The following PDZRN3 variants were observed in gnomAD, a reference collection of about 807,000 sequenced individuals.
PDZRN3 encodes the protein PDZ domain containing ring finger 3.
PDZRN3 carries 38 observed loss-of-function variants against 85.7 expected under a neutral mutation model. The ratio of observed to expected loss-of-function variants is 0.44; its 90% CI spans 0.34 to 0.58. The LOEUF (loss-of-function observed/expected upper bound fraction) is 0.58, where lower values mean the gene tolerates loss of function less well. Ranked by LOEUF, PDZRN3 falls within the 20% of genes least tolerant of loss-of-function variation. The pLI, the probability that PDZRN3 is intolerant of heterozygous loss-of-function variation, is 0.01. For missense variants in PDZRN3, 1,629 were observed against 1,506.4 expected, an observed-to-expected ratio of 1.08 and a Z score of -1.35; for synonymous variants, 759 against 638.0, an observed-to-expected ratio of 1.19 and a Z score of -2.86.
Position 73,389,891 on chromosome 3 carries a change from T to A in PDZRN3, c.1354-13A>T, listed in dbSNP as rs374969367. The A allele has an allele frequency of 7.5e-6, 12 of 1,608,746 alleles. No individual in the cohort carries two copies. Among genetic ancestry groups the A allele is most frequent in the African/African-American group, 4.0e-5 (3 of 74,808 alleles). ...TGTTAGGGTCAATCTGAAACACACA[T>A]GGACCATCTCAGCGCAAACGCAGAC... is the stretch of plus-strand genomic sequence containing the variant. On this transcript the variant is annotated splice_polypyrimidine_tract_variant and intron_variant, in intron 6 of 9. Transcript: ENST00000263666.
intron 3 of PDZRN3, among the ~76,000 whole-genome samples, chr3:73,496,607 C>A (rs778979634): frequency 1.5e-4 from 23 of 151,420 alleles, no homozygotes; most frequent in Non-Finnish European, 2.5e-4. Context: ...ATGCTAATAT[C>A]ACATAACACA....
chr3:73,483,032 G>A (rs749712066), intron 3 of PDZRN3, among the ~76,000 whole-genome samples: 20 of 152,138 alleles, frequency 1.3e-4, no homozygotes, highest in Non-Finnish European at 2.8e-4. Context: ...GAACAAACAC[G>A]CATGCCTTGC....
intron 3 of PDZRN3, among the ~76,000 whole-genome samples, chr3:73,407,463 G>C (rs944043816): frequency 6.6e-6 from 1 of 152,078 alleles, no homozygotes; most frequent in Non-Finnish European, 1.5e-5. Flanking sequence ...TTATACTTTA[G>C]GTCATTTGAC....
At chr3:73,412,117 A>G (rs138014165) in intron 3 of PDZRN3, among the ~76,000 whole-genome samples, 106 of 152,292 alleles carry the variant, frequency 7.0e-4, no homozygotes, top group Middle Eastern at 6.8e-3. Context: ...TTACACGTCA[A>G]TGTTATTGCA....
chr3:73,588,261 T>A (rs1702306088), intron 3 of PDZRN3, among the ~76,000 whole-genome samples: 1 of 152,222 alleles, frequency 6.6e-6, no homozygotes, highest in African/African-American at 2.4e-5. Flanking sequence ...AAGGACATGA[T>A]CTCATTCCTT....
chr3:73,589,254 A>G (rs1702320549), intron 3 of PDZRN3, among the ~76,000 whole-genome samples: 1 of 152,170 alleles, frequency 6.6e-6, no homozygotes, highest in Non-Finnish European at 1.5e-5. Context: ...GAATGAAAGG[A>G]AGAACATTGA....
chr3:73,578,585 G>A (rs148566474), intron 3 of PDZRN3, among the ~76,000 whole-genome samples: 3 of 152,326 alleles, frequency 2.0e-5, no homozygotes, highest in African/African-American at 7.2e-5. Flanking sequence ...GGGAGAATGA[G>A]TGACAAAAAG....
chr3:73,415,642 T>C (rs1159541728), intron 3 of PDZRN3, among the ~76,000 whole-genome samples: 1 of 152,208 alleles, frequency 6.6e-6, no homozygotes, highest in Non-Finnish European at 1.5e-5. Context: ...TTACATGAGA[T>C]ATTCAAAATT....
At chr3:73,458,995 C>CAAAAAAAAAA (rs35284667) in intron 3 of PDZRN3, among the ~76,000 whole-genome samples, 3 of 124,020 alleles carry the variant, frequency 2.4e-5, no homozygotes, top group Admixed American at 8.0e-5. Context: ...CCATCTCAAA[C>CAAAAAAAAAA]AAAAAAAAAA....
In PDZRN3 at chr3:73,404,199, T is replaced by TTA; in HGVS notation, c.1113_1114dup (p.Lys372IlefsTer55). On this transcript the variant is annotated frameshift_variant, in exon 4 of 10. Coordinates refer to ENST00000263666, the MANE Select transcript of PDZRN3 (RefSeq NM_015009.3). LOFTEE classifies it high-confidence loss of function. ...CACGGGTGGGCTGGGAGAGGACATC[T>TTA]TAGTGAGGGCCATGATATGTTCAAA... The TTA allele has an allele frequency of 6.2e-7, 1 of 1,614,038 alleles. No homozygotes were observed. The highest frequency in any genetic ancestry group is 2.2e-5 in the East Asian group (1 of 44,876).
At chr3:73,571,964 G>A (rs1172282073) in intron 3 of PDZRN3, among the ~76,000 whole-genome samples, 3 of 152,184 alleles carry the variant, frequency 2.0e-5, no homozygotes, top group African/African-American at 7.2e-5. Context: ...AGGCAATTTT[G>A]TACTTAACTT....
chr3:73,551,123 G>A (rs1321443214), intron 3 of PDZRN3, among the ~76,000 whole-genome samples: 1 of 152,012 alleles, frequency 6.6e-6, no homozygotes, highest in Non-Finnish European at 1.5e-5. Flanking sequence ...GTATGTGCAG[G>A]GCCAAAGGTG....
At chr3:73,559,929 C>G (rs1027855949) in intron 3 of PDZRN3, among the ~76,000 whole-genome samples, 7 of 152,206 alleles carry the variant, frequency 4.6e-5, no homozygotes, top group African/African-American at 1.7e-4. Flanking sequence ...CATGTGAGCA[C>G]CCAGTTCATT....
intron 3 of PDZRN3, among the ~76,000 whole-genome samples, chr3:73,462,815 T>G (rs1013670281): frequency 6.6e-5 from 10 of 152,166 alleles, no homozygotes; most frequent in Non-Finnish European, 2.9e-5. Flanking sequence ...ATTAGCACAT[T>G]TAACATTTGC....
chr3:73,500,041 A>G, intron 3 of PDZRN3, among the ~76,000 whole-genome samples: 1 of 152,180 alleles, frequency 6.6e-6, no homozygotes, highest in East Asian at 1.9e-4. Flanking sequence ...TGGGGGTTAC[A>G]AAGAAAGCCC....
intron 8 of PDZRN3, among the ~76,000 whole-genome samples, chr3:73,386,476 G>C (rs1701390006): frequency 1.3e-5 from 2 of 152,134 alleles, no homozygotes; most frequent in African/African-American, 2.4e-5. Context: ...TTATAGGCGT[G>C]AGCCACTGAG....
chr3:73,407,147 G>A (rs746500486), intron 3 of PDZRN3, among the ~76,000 whole-genome samples: 17 of 152,158 alleles, frequency 1.1e-4, no homozygotes, highest in Non-Finnish European at 2.4e-4. Flanking sequence ...CTGGTTGGAT[G>A]GGATGAGAGA....
chr3:73,623,037 C>A (rs1458825261), intron 1 of PDZRN3, among the ~76,000 whole-genome samples: 1 of 152,154 alleles, frequency 6.6e-6, no homozygotes, highest in African/African-American at 2.4e-5. Context: ...GGAAGGGTCA[C>A]ACCAACCTCA....
chr3:73,580,980 C>A (rs1409585604), intron 3 of PDZRN3, among the ~76,000 whole-genome samples: 1 of 152,178 alleles, frequency 6.6e-6, no homozygotes, highest in East Asian at 1.9e-4. Flanking sequence ...ACATAACATA[C>A]CAGAAGCAAC....
Sources: allele counts gnomAD v4.1 joint callset (sites outside exome capture counted in the v4.1 genomes callset), GRCh38; gene constraint gnomAD v4.1.1; transcripts MANE v1.5; gene names NCBI Gene and HGNC (gene_info 2026-07-23, HGNC 2026-07-21).